The following SEL1L variants were observed in gnomAD, a reference collection of about 807,000 sequenced individuals.
SEL1L encodes protein sel-1 homolog 1.
A neutral mutation model predicts 109.8 loss-of-function variants in SEL1L; 52 were observed. The observed-to-expected ratio is 0.47, with a 90% CI of 0.38 to 0.60. The LOEUF (loss-of-function observed/expected upper bound fraction) is 0.60. Ranked by LOEUF, SEL1L falls within the 20% of genes least tolerant of loss-of-function variation. SEL1L has a pLI of 0.00. For synonymous variants in SEL1L, 373 were observed against 339.6 expected, an observed-to-expected ratio of 1.10 and a Z score of -1.08; for missense variants, 749 against 962.2, an observed-to-expected ratio of 0.78 and a Z score of 2.93.
chr14:81,515,384 T>C (rs1208337971), intron 3 of SEL1L, among the ~76,000 whole-genome samples: 1 of 152,218 alleles, frequency 6.6e-6, no homozygotes, highest in Non-Finnish European at 1.5e-5. Context: ...CCCTGGCCTT[T>C]AATGAAAAGA....
chr14:81,525,799 T>A (rs546489981), intron 3 of SEL1L, among the ~76,000 whole-genome samples: 2 of 152,250 alleles, frequency 1.3e-5, no homozygotes, highest in East Asian at 3.9e-4. Context: ...GGAAAAACAT[T>A]CATGGTAAAC....
intron 20 of SEL1L, 69 bp from the exon 21 acceptor site, chr14:81,477,250 T>A: frequency 8.1e-7 from 1 of 1,239,818 alleles, no homozygotes; most frequent in Non-Finnish European, 1.2e-6. Flanking sequence ...GAAAGTTACA[T>A]CACCAGAAGT....
Position 81,485,667 on chromosome 14 carries a change from C to T in SEL1L, c.1873+5G>A, listed in dbSNP as rs1903498434. ...GAAACTCTTATCTTAGAATTAATCA[C>T]TTACCTTGAGAGGCGGCCCTGTTCC... On this transcript the variant is annotated splice_donor_5th_base_variant and intron_variant, in intron 18 of 20. Coordinates refer to ENST00000336735, the MANE Select transcript of SEL1L (RefSeq NM_005065.6). 1 of 1,612,652 alleles carries T rather than the reference C, an allele frequency of 6.2e-7. No individual in the cohort carries two copies. Among genetic ancestry groups the T allele is most frequent in the African/African-American group, 1.3e-5 (1 of 74,852 alleles).
chr14:81,513,620 G>A (rs1050971633), intron 3 of SEL1L, among the ~76,000 whole-genome samples: 4 of 152,112 alleles, frequency 2.6e-5, no homozygotes, highest in Admixed American at 6.6e-5. Flanking sequence ...GACCCCTTTC[G>A]TTTGCTATTC....
intron 8 of SEL1L, 91 bp from the exon 9 acceptor site, chr14:81,498,585 T>C: frequency 1.1e-6 from 1 of 904,196 alleles, no homozygotes; most frequent in East Asian, 2.5e-5. Context: ...TACCCAGAAT[T>C]TTGCTGTCAT....
chr14:81,504,808 C>T (rs1472767490), intron 4 of SEL1L, among the ~76,000 whole-genome samples: 1 of 151,996 alleles, frequency 6.6e-6, no homozygotes, highest in Non-Finnish European at 1.5e-5. Context: ...TAAGTTCTCA[C>T]GAGATCTGGT....
At chr14:81,486,198 C>T (rs1903514631) in intron 17 of SEL1L, 91 bp downstream of exon 17, 1 of 1,200,386 alleles carries the variant, frequency 8.3e-7, no homozygotes, top group Non-Finnish European at 1.2e-6. Context: ...AAGAATGTTT[C>T]CTAGTAGCTT....
intron 3 of SEL1L, among the ~76,000 whole-genome samples, chr14:81,519,102 A>G (rs191291022): frequency 1.1e-4 from 16 of 152,318 alleles, no homozygotes; most frequent in Non-Finnish European, 1.6e-4. Context: ...AGAGACTGCC[A>G]ACTTAACCAG....
In SEL1L at chr14:81,487,562, C is replaced by T. The variant is rs202243862; in HGVS notation, c.1484-24G>A. ...ATCTGTAAGAAAAAAAAAAATCACA[C>T]GAGATAATAGACTTAAGATTTAGCT... On this transcript the variant is annotated intron_variant, in intron 15 of 20. Transcript: ENST00000336735. 334 of 1,586,774 alleles carry T rather than the reference C, an allele frequency of 2.1e-4. 3 individuals carry two copies. Among genetic ancestry groups the T allele is most frequent in the South Asian group, 8.8e-4 (76 of 85,934 alleles).
In SEL1L at chr14:81,533,803, G is replaced by C. The variant is rs1374687257; in HGVS notation, c.-59C>G. 2.6e-6 allele frequency: 4 copies of C among 1,533,896 alleles called. No homozygotes were observed. Among genetic ancestry groups the C allele is most frequent in the East Asian group, 2.3e-5 (1 of 43,276 alleles). ...TGTCGCCTTCGCCTCTGCCACCACG[G>C]ACTCAGCCACCACCGCCGCCTCGCC... On this transcript the variant is annotated 5_prime_UTR_variant, in exon 1 of 21. Coordinates refer to ENST00000336735, the MANE Select transcript of SEL1L (RefSeq NM_005065.6).
rs1266664463 is a variant in SEL1L, at chr14:81,489,241, T to C, written c.1395+11A>G. 2 of 1,611,966 alleles carry C rather than the reference T, an allele frequency of 1.2e-6. No homozygotes were observed. Among genetic ancestry groups the C allele is most frequent in the Admixed American group, 1.7e-5 (1 of 60,012 alleles). On this transcript the variant is annotated intron_variant, in intron 14 of 20. Coordinates refer to ENST00000336735, the MANE Select transcript of SEL1L (RefSeq NM_005065.6). ...GCTCATTAAAGAGAGAATGTCAGAC[T>C]GAACACTTACAACTTGAACTCCTCT...
At chr14:81,478,377 G>A (rs1222759297) in intron 20 of SEL1L, among the ~76,000 whole-genome samples, 1 of 151,996 alleles carries the variant, frequency 6.6e-6, no homozygotes, top group African/African-American at 2.4e-5. Flanking sequence ...ATAACTAGGT[G>A]GTAGGATTAT....
Position 81,476,741 on chromosome 14 carries a change from A to G in SEL1L, c.*231T>C. ...GAAAAGAAAAAAAAAAGCCACTGAA[A>G]GTTGTTATTCCATATGGCACTGAAA... On this transcript the variant is annotated 3_prime_UTR_variant, in exon 21 of 21. Coordinates refer to ENST00000336735, the MANE Select transcript of SEL1L (RefSeq NM_005065.6). 2.0e-6 allele frequency: 1 copy of G among 491,254 alleles called. No homozygotes were observed. Among genetic ancestry groups the G allele is most frequent in the Non-Finnish European group, 3.6e-6 (1 of 276,068 alleles). 30.4% of individuals were successfully genotyped at this position (491,254 alleles called of 1,614,324 possible). A position where few individuals can be genotyped will look rare whatever the true frequency, so the allele number is the denominator to read the frequency against.
intron 4 of SEL1L, among the ~76,000 whole-genome samples, chr14:81,505,324 C>A (rs1884196413): frequency 6.6e-6 from 1 of 152,102 alleles, no homozygotes; most frequent in Non-Finnish European, 1.5e-5. Context: ...TATTTTGCTA[C>A]TGTAAGAACT....
Position 81,472,960 on chromosome 14 carries a change from CA to C in SEL1L, c.*4011del, listed in dbSNP as rs1462181783. ...TCTTTATTTCACAAGTTTCAAGATA[CA>C]GTACAAAACGATTCTGTACATCTCT... On this transcript the variant is annotated 3_prime_UTR_variant, in exon 21 of 21. Coordinates refer to ENST00000336735, the MANE Select transcript of SEL1L (RefSeq NM_005065.6). The C allele has an allele frequency of 4.2e-5, 7 of 167,396 alleles. No individual in the cohort carries two copies. The South Asian group carries it at 7.4e-4, about 18-fold the overall frequency. 10.4% of individuals were successfully genotyped at this position (167,396 alleles called of 1,614,324 possible). A position where few individuals can be genotyped will look rare whatever the true frequency, so the allele number is the denominator to read the frequency against.
chr14:81,500,737 C>T (rs1883969396), intron 6 of SEL1L, among the ~76,000 whole-genome samples: 2 of 151,352 alleles, frequency 1.3e-5, no homozygotes, highest in African/African-American at 2.5e-5. Flanking sequence ...ATATGAATTA[C>T]CAAGATAAAC....
chr14:81,479,566 C>A, intron 20 of SEL1L, 46 bp downstream of exon 20: 1 of 1,574,026 alleles, frequency 6.4e-7, no homozygotes, highest in Non-Finnish European at 8.6e-7. Context: ...CCAGGACAGA[C>A]CTTCCATCAT....
intron 6 of SEL1L, among the ~76,000 whole-genome samples, chr14:81,500,584 T>C (rs1194890933): frequency 6.6e-6 from 1 of 152,158 alleles, no homozygotes; most frequent in Non-Finnish European, 1.5e-5. Flanking sequence ...GACAATTTAA[T>C]ACTAACTAGA....
intron 18 of SEL1L, 67 bp from the exon 19 acceptor site, chr14:81,484,464 T>C: frequency 7.1e-7 from 1 of 1,415,914 alleles, no homozygotes. Context: ...CAAACTTTTT[T>C]CTCCTCCCAT....
Sources: gnomAD v4.1 joint callset for allele counts (sites outside exome capture counted in the v4.1 genomes callset) on GRCh38, gnomAD v4.1.1 for gene constraint, MANE v1.5 for transcripts, NCBI Gene and HGNC (gene_info 2026-07-23, HGNC 2026-07-21) for gene names.